Variants in LAMA3 observed in about 807,000 individuals in gnomAD.
LAMA3 encodes laminin subunit alpha 3, also known as laminin subunit alpha-3.
A neutral mutation model predicts 402.0 loss-of-function variants in LAMA3; 281 were observed. That is an observed-to-expected ratio of 0.70 (90% CI 0.63 to 0.77). The LOEUF is 0.77. Among genes scored for constraint, LAMA3 ranks in the 30% least tolerant of loss-of-function variants. The probability of loss-of-function intolerance (pLI) is 0.00; values close to 1 mark genes in which losing one functional copy is unlikely to be tolerated. For missense variants in LAMA3, 3,840 were observed against 4,215.5 expected (o/e 0.91, Z 2.47); for synonymous variants, 1,431 against 1,558.4 (o/e 0.92, Z 1.93).
intron 16 of LAMA3, 41 bp downstream of exon 16, chr18:23,815,281 T>A (rs764028202): frequency 1.3e-6 from 2 of 1,571,832 alleles, no homozygotes; most frequent in South Asian, 2.2e-5. Flanking sequence ...AGCAGAATGC[T>A]ACAGCAACTG....
intron 41 of LAMA3, among the ~76,000 whole-genome samples, chr18:23,886,123 G>A (rs902159893): frequency 1.3e-5 from 2 of 152,094 alleles, no homozygotes; most frequent in Non-Finnish European, 2.9e-5. Flanking sequence ...TGCATTTAAA[G>A]CAACACTAAA....
chr18:23,890,689 C>T (rs573920324), intron 42 of LAMA3, among the ~76,000 whole-genome samples: 5 of 152,258 alleles, frequency 3.3e-5, no homozygotes, highest in African/African-American at 1.2e-4. Flanking sequence ...CAGGAAAATG[C>T]TATTGATGTA....
In LAMA3 at chr18:23,689,950, C is replaced by G. The variant is rs534288868; in HGVS notation, c.267C>G (p.Thr89=). Residue 89 remains threonine, a synonymous_variant, in exon 1 of 75, where the codon ACC becomes ACG. Coordinates refer to ENST00000313654, the MANE Select transcript of LAMA3 (RefSeq NM_198129.4). ...ACTGCAAGTTGGTCGGGGGCCCCAC[C>G]GCCCCAGGCAGCGGCCACACCATCC... is the stretch of plus-strand genomic sequence containing the variant. The part of the protein sequence containing the change: ...ELYCKLVGGP[T]APGSGHTIQG... 20 of 1,520,136 alleles carry G rather than the reference C, an allele frequency of 1.3e-5. No homozygotes were observed. The East Asian group carries it at 2.4e-4, about 18-fold the overall frequency. The allele number at this position is 1,520,136 out of a possible 1,614,324, so 94.2% of individuals were successfully genotyped here.
At position 23,882,002 on chromosome 18, in the gene LAMA3, G is replaced by A. The variant is rs770396033; in HGVS notation, c.5179G>A (p.Val1727Ile). Residue 1727 changes from valine to isoleucine, a missense_variant, in exon 40 of 75, where the codon GTC becomes ATC. Val to Ile is a conservative substitution (Grantham distance 29). This residue lies in a region of LAMA3 where 2,109 missense variants were observed against 2,376.0 expected (regional missense o/e 0.89). Transcript: ENST00000313654. ...CCAGGAGGGCTACTATGGCAACGCCGTCCACGGATCCTGCAGGGCCTGCCC... is the reference window on the plus strand; with the variant it reads ...CCAGGAGGGCTACTATGGCAACGCCATCCACGGATCCTGCAGGGCCTGCCC... ...RCQEGYYGNA[V>I]HGSCRACPCP... 11 of 1,613,854 alleles carry A rather than the reference G, an allele frequency of 6.8e-6. No homozygotes were observed. The highest frequency in any genetic ancestry group is 3.3e-5 in the South Asian group (3 of 91,058).
At chr18:23,906,855 G>A (rs2081265329) in intron 52 of LAMA3, among the ~76,000 whole-genome samples, 1 of 152,182 alleles carries the variant, frequency 6.6e-6, no homozygotes, top group African/African-American at 2.4e-5. Flanking sequence ...ATGTAAACCA[G>A]TCCTGGAATC....
rs1568239909 is a variant in LAMA3 at position 23,839,661 on chromosome 18, C to T, written c.3192-124C>T. ...AAGATCCCTAGAGTTCTGTGCTTCC[C>T]CCAGCACTGGATCCTTTTGATGCCC... is the stretch of plus-strand genomic sequence containing the variant. On this transcript the variant is annotated intron_variant, in intron 26 of 74. Transcript: ENST00000313654. The surrounding 1 kb of genome is among the most constrained non-coding windows in gnomAD (Gnocchi z 4.5). The T allele has an allele frequency of 1.0e-6, 1 of 977,160 alleles. No homozygotes were observed. Among genetic ancestry groups the T allele is most frequent in the South Asian group, 1.3e-5 (1 of 74,246 alleles). 60.5% of individuals were successfully genotyped at this position (977,160 alleles called of 1,614,324 possible). A position where few individuals can be genotyped will look rare whatever the true frequency, so the allele number is the denominator to read the frequency against.
chr18:23,912,883 T>C lies in LAMA3; in HGVS notation c.7329+2T>C. 1 of 1,612,510 alleles carries C rather than the reference T, an allele frequency of 6.2e-7. No individual in the cohort carries two copies. Among genetic ancestry groups the C allele is most frequent in the East Asian group, 2.2e-5 (1 of 44,886 alleles). ...GTGATGTACCTTGGAAATAAAGATG[T>C]AAGTATTGCTTGGACATCTCTCTTG... On this transcript the variant is annotated splice_donor_variant, in intron 56 of 74. Coordinates refer to ENST00000313654, the MANE Select transcript of LAMA3 (RefSeq NM_198129.4). LOFTEE classifies it high-confidence loss of function.
At chr18:23,804,842 C>T (rs1352495559) in intron 12 of LAMA3, among the ~76,000 whole-genome samples, 1 of 152,124 alleles carries the variant, frequency 6.6e-6, no homozygotes, top group East Asian at 1.9e-4. Flanking sequence ...TGTGATACCT[C>T]CCCCTACCTT....
intron 10 of LAMA3, among the ~76,000 whole-genome samples, chr18:23,777,209 A>T (rs1199766493): frequency 6.6e-6 from 1 of 151,910 alleles, no homozygotes; most frequent in Admixed American, 6.6e-5. Flanking sequence ...TGTCAGGAGA[A>T]AAAAATGAAA....
At chr18:23,798,081 T>C (rs2062800666) in intron 12 of LAMA3, among the ~76,000 whole-genome samples, 1 of 152,338 alleles carries the variant, frequency 6.6e-6, no homozygotes, top group Non-Finnish European at 1.5e-5. Context: ...CCCTCATTCC[T>C]GCCTTCGTCT....
intron 17 of LAMA3, among the ~76,000 whole-genome samples, chr18:23,815,930 A>G (rs1057268992): frequency 1.1e-4 from 17 of 152,196 alleles, no homozygotes; most frequent in African/African-American, 3.9e-4. Context: ...GTTGTGTTAA[A>G]TAATGAAATT....
intron 34 of LAMA3, among the ~76,000 whole-genome samples, chr18:23,860,138 C>T (rs1356264564): frequency 6.6e-6 from 1 of 152,142 alleles, no homozygotes; most frequent in African/African-American, 2.4e-5. Flanking sequence ...ATCCGCATCT[C>T]TCATGATGTC....
chr18:23,858,072 G>A, intron 33 of LAMA3, 84 bp downstream of exon 33: 1 of 1,508,894 alleles, frequency 6.6e-7, no homozygotes, highest in Non-Finnish European at 9.2e-7. Flanking sequence ...AAAAGTATGT[G>A]GGAAATGGGA....
intron 12 of LAMA3, among the ~76,000 whole-genome samples, chr18:23,784,984 A>T (rs1354573831): frequency 6.6e-6 from 1 of 152,204 alleles, no homozygotes; most frequent in East Asian, 1.9e-4. Flanking sequence ...AGTTGTTAAG[A>T]GCCAGAGCAG....
chr18:23,777,524 T>C (rs766659307), intron 10 of LAMA3, 33 bp from the exon 11 acceptor site: 2 of 1,398,096 alleles, frequency 1.4e-6, no homozygotes, highest in Non-Finnish European at 1.0e-6. Flanking sequence ...TCCTTAATCA[T>C]CCTCTGTATT....
intron 24 of LAMA3, among the ~76,000 whole-genome samples, chr18:23,835,883 G>A (rs1437503145): frequency 1.3e-5 from 2 of 152,134 alleles, no homozygotes; most frequent in Non-Finnish European, 2.9e-5. Flanking sequence ...CAGCAGAATA[G>A]CAGTGGTGCT....
chr18:23,855,921 T>C (rs1179564644), intron 32 of LAMA3, among the ~76,000 whole-genome samples: 6 of 152,206 alleles, frequency 3.9e-5, no homozygotes, highest in Admixed American at 1.3e-4. Context: ...TTGGTCCTTT[T>C]AGTTGTGCCG....
Position 23,912,783 on chromosome 18 carries a change from A to G in LAMA3, c.7231A>G (p.Lys2411Glu). 1 of 1,614,082 alleles carries G rather than the reference A, an allele frequency of 6.2e-7. No individual in the cohort carries two copies. Among genetic ancestry groups the G allele is most frequent in the Non-Finnish European group, 8.5e-7 (1 of 1,179,908 alleles). The change falls in exon 56 of 75, where the codon AAA (lysine) becomes GAA (glutamate). Residue 2411 changes from lysine (K) to glutamate (E), a missense_variant. This residue lies in a region of LAMA3 where 891 missense variants were observed against 857.5 expected (regional missense o/e 1.04). Transcript: ENST00000313654. ...ACTGCCAAATGACCTGGAAGATTTG[A>G]AAGGATATACATCTCTGTCCTTGTT... The part of the protein sequence containing the change: ...VRLPNDLEDL[K>E]GYTSLSLFLQ...
intron 4 of LAMA3, 102 bp downstream of exon 4, chr18:23,749,648 CAT>C: frequency 1.2e-6 from 1 of 805,798 alleles, no homozygotes; most frequent in Non-Finnish European, 2.2e-6. Context: ...GGACATCTAA[CAT>C]AGATCAAGAT....
Sources: gnomAD v4.1 joint callset for allele counts (sites outside exome capture counted in the v4.1 genomes callset) on GRCh38, gnomAD v4.1.1 for gene constraint, gnomAD v4.1.1 regional missense constraint, Gnocchi (gnomAD v3.1) non-coding constraint, MANE v1.5 for transcripts, NCBI Gene and HGNC (gene_info 2026-07-23, HGNC 2026-07-21) for gene names.